The following RGS12 variants were observed in gnomAD, a reference collection of about 807,000 sequenced individuals.
The protein encoded by RGS12 is regulator of G-protein signaling 12.
RGS12 carries 66 observed loss-of-function variants against 120.1 expected under a neutral mutation model. The observed-to-expected ratio is 0.55, with a 90% CI of 0.45 to 0.67. The LOEUF (loss-of-function observed/expected upper bound fraction) is 0.67. Ranked by LOEUF, RGS12 falls within the 30% of genes least tolerant of loss-of-function variation. The probability of loss-of-function intolerance (pLI) is 0.00; values close to 1 mark genes in which losing one functional copy is unlikely to be tolerated. For synonymous variants in RGS12, 827 were observed against 804.7 expected (o/e 1.03, Z -0.47); for missense variants, 1,859 against 1,957.7 (o/e 0.95, Z 0.95).
At chr4:3,395,744 T>C (rs374488050) in intron 4 of RGS12, among the ~76,000 whole-genome samples, 12 of 152,342 alleles carry the variant, frequency 7.9e-5, no homozygotes, top group African/African-American at 1.9e-4. Context: ...TTCAAGACTT[T>C]TGCTTATTTT....
intron 3 of RGS12, among the ~76,000 whole-genome samples, chr4:3,348,054 A>G (rs533341682): frequency 6.6e-6 from 1 of 152,374 alleles, no homozygotes; most frequent in African/African-American, 2.4e-5. Flanking sequence ...GATGAGAGAT[A>G]CGTCCTTTGA....
intron 9 of RGS12, chr4:3,417,867 A>G (rs1485742101): frequency 2.7e-5 from 7 of 260,404 alleles, no homozygotes; most frequent in Admixed American, 4.8e-5. Context: ...TATCCAAGTA[A>G]TAGGTGTTTT....
intron 2 of RGS12, among the ~76,000 whole-genome samples, chr4:3,332,764 T>C (rs913853066): frequency 9.8e-5 from 15 of 152,372 alleles, no homozygotes; most frequent in African/African-American, 2.6e-4. Context: ...GCATGACTCC[T>C]GTTTTCACTC....
intron 3 of RGS12, 78 bp downstream of exon 3, chr4:3,343,131 T>A: frequency 9.5e-7 from 1 of 1,052,318 alleles, no homozygotes; most frequent in Non-Finnish European, 1.4e-6. Context: ...TACGTCTGGC[T>A]GTTTTTTGAG....
chr4:3,300,248 A>G (rs1348834513), intron 1 of RGS12, among the ~76,000 whole-genome samples: 1 of 152,068 alleles, frequency 6.6e-6, no homozygotes, highest in Non-Finnish European at 1.5e-5. Context: ...GCTGCTGGAG[A>G]CAGCAGTGCC....
Position 3,304,045 on chromosome 4 carries a change from A to G in RGS12, c.-102+10946A>G, listed in dbSNP as rs981748172. Among the ~76,000 whole-genome samples the G allele has an allele frequency of 3.9e-4, 59 of 152,172 alleles. 2 individuals carry two copies. The highest frequency in any genetic ancestry group is 1.5e-5 in the Non-Finnish European group (1 of 68,036). On this transcript the variant is annotated intron_variant, in intron 1 of 17. Coordinates refer to ENST00000336727, the MANE Select transcript of RGS12 (RefSeq NM_001394154.1). ...TAGCAATGTGTGGGATCTTTCTGAG[A>G]CTGACAATGGAAGAGGAAGAAAGCG...
intron 1 of RGS12, among the ~76,000 whole-genome samples, chr4:3,307,678 G>T (rs1280962655): frequency 1.3e-5 from 2 of 152,200 alleles, no homozygotes; most frequent in African/African-American, 4.8e-5. Flanking sequence ...TCGAGGCCTC[G>T]TGGCCCCTGC....
Position 3,371,898 on chromosome 4 carries a change from C to A in RGS12, c.1999-14518C>A, listed in dbSNP as rs111346288. On this transcript the variant is annotated intron_variant, in intron 3 of 17. Coordinates refer to ENST00000336727, the MANE Select transcript of RGS12 (RefSeq NM_001394154.1). The stretch of plus-strand genomic sequence containing the variant: ...CCCCTCATCTTGAGGGGGAGGATGC[C>A]CCCGCCTTTCTAGGAGCTGTTGCCC... Among the ~76,000 whole-genome samples the A allele has an allele frequency of 6.6e-3, 1,012 of 152,226 alleles. 12 individuals carry two copies. The highest frequency in any genetic ancestry group is 0.023 in the African/African-American group (968 of 41,542).
intron 1 of RGS12, among the ~76,000 whole-genome samples, chr4:3,315,651 C>T (rs930723363): frequency 1.3e-5 from 2 of 152,248 alleles, no homozygotes; most frequent in Non-Finnish European, 1.5e-5. Flanking sequence ...TTGCTTCTCA[C>T]GCTTGGACTC....
chr4:3,307,031 C>T (rs1724009533), intron 1 of RGS12, among the ~76,000 whole-genome samples: 1 of 152,200 alleles, frequency 6.6e-6, no homozygotes, highest in East Asian at 1.9e-4. Flanking sequence ...CATCACATCA[C>T]TCTCTTTTCT....
intron 2 of RGS12, among the ~76,000 whole-genome samples, chr4:3,336,573 C>A (rs148045590): frequency 0.015 from 2,246 of 152,276 alleles, 57 homozygotes; most frequent in African/African-American, 0.051. Context: ...ATGCACCAAG[C>A]ACTGTGGGAG....
At chr4:3,309,487 G>A (rs1202409708) in intron 1 of RGS12, among the ~76,000 whole-genome samples, 1 of 129,780 alleles carries the variant, frequency 7.7e-6, no homozygotes, top group Non-Finnish European at 1.7e-5. Context: ...ACCGTGTGGG[G>A]GAGGAGCTGG....
In RGS12 at chr4:3,366,490, C is replaced by T. The variant is rs1174602175; in HGVS notation, c.1999-19926C>T. 1.3e-5 allele frequency among the ~76,000 whole-genome samples: 2 copies of T among 152,200 alleles called. No individual in the cohort carries two copies. The highest frequency in any genetic ancestry group is 4.8e-5 in the African/African-American group (2 of 41,458). ...AGAGGCGCTCCTCCAGTTCCCGCCTCTCTGCCTCGCACGCCCTCCTAGCTG... is the reference window on the plus strand; with the variant it reads ...AGAGGCGCTCCTCCAGTTCCCGCCTTTCTGCCTCGCACGCCCTCCTAGCTG... On this transcript the variant is annotated intron_variant, in intron 3 of 17. Coordinates refer to ENST00000336727, the MANE Select transcript of RGS12 (RefSeq NM_001394154.1). The surrounding 1 kb of genome is among the most constrained non-coding windows in gnomAD (Gnocchi z 4.0).
At chr4:3,362,246 C>G (rs776347846) in intron 3 of RGS12, among the ~76,000 whole-genome samples, 51 of 152,164 alleles carry the variant, frequency 3.4e-4, no homozygotes, top group Non-Finnish European at 6.9e-4. Flanking sequence ...CCAGGCAGGA[C>G]TGGGTCTGCA....
At chr4:3,360,507 G>A (rs923455368) in intron 3 of RGS12, among the ~76,000 whole-genome samples, 4 of 151,880 alleles carry the variant, frequency 2.6e-5, no homozygotes, top group Non-Finnish European at 2.9e-5. Flanking sequence ...AGCATTTAAG[G>A]CTATAAATTT....
Position 3,425,500 on chromosome 4 carries a change from A to G in RGS12, c.3271A>G (p.Ile1091Val), listed in dbSNP as rs1723513435. The G allele has an allele frequency of 4.3e-6, 7 of 1,611,658 alleles. No homozygotes were observed. Among genetic ancestry groups the G allele is most frequent in the South Asian group, 2.2e-5 (2 of 90,956 alleles). The stretch of plus-strand genomic sequence containing the variant: ...GGAGCCCCTGGACCTTGGCGCCCCT[A>G]TATCGAGTCTGGACGGACAGCGGGT... Reference protein sequence around the residue: ...EKEPLDLGAPISSLDGQRVVL... With the variant: ...EKEPLDLGAPVSSLDGQRVVL... Residue 1091 changes from isoleucine (I) to valine (V), a missense_variant, in exon 14 of 18, where the codon ATA becomes GTA. Physicochemically the swap from Ile to Val is conservative, Grantham distance 29. Transcript: ENST00000336727.
chr4:3,411,283 G>C (rs1577066383), intron 4 of RGS12, among the ~76,000 whole-genome samples: 2 of 151,286 alleles, frequency 1.3e-5, no homozygotes, highest in African/African-American at 4.9e-5. Context: ...GTGTCCTGCA[G>C]GTGACACCGA....
chr4:3,344,067 G>A (rs962876710), intron 3 of RGS12, among the ~76,000 whole-genome samples: 1 of 152,126 alleles, frequency 6.6e-6, no homozygotes, highest in African/African-American at 2.4e-5. Context: ...GTGTGGGACG[G>A]GCGAGAGTGT....
intron 3 of RGS12, among the ~76,000 whole-genome samples, chr4:3,363,706 C>T (rs1421936633): frequency 1.3e-5 from 2 of 151,778 alleles, no homozygotes; most frequent in African/African-American, 4.8e-5. Flanking sequence ...TGGGTTGGGG[C>T]AGGCTTGGCG....
Sources: gnomAD v4.1 joint callset for allele counts (sites outside exome capture counted in the v4.1 genomes callset) on GRCh38, gnomAD v4.1.1 for gene constraint, Gnocchi (gnomAD v3.1) non-coding constraint, MANE v1.5 for transcripts, NCBI Gene and HGNC (gene_info 2026-07-23, HGNC 2026-07-21) for gene names.